The following TRPM3 variants were observed in gnomAD, a reference collection of about 807,000 sequenced individuals.
The protein encoded by TRPM3 is transient receptor potential cation channel subfamily M member 3.
TRPM3 carries 77 observed loss-of-function variants against 181.2 expected under a neutral mutation model. The observed-to-expected ratio is 0.42, with a 90% CI of 0.35 to 0.51. The LOEUF (loss-of-function observed/expected upper bound fraction) is 0.51. Ranked by LOEUF, TRPM3 falls within the 20% of genes least tolerant of loss-of-function variation. The pLI is 0.01. For missense variants in TRPM3, 1,759 were observed against 2,196.7 expected, an observed-to-expected ratio of 0.80 and a Z score of 3.98; for synonymous variants, 745 against 796.4, an observed-to-expected ratio of 0.94 and a Z score of 1.09.
chr9:70,577,374 A>T (rs1037517539), intron 22 of TRPM3, among the ~76,000 whole-genome samples: 1 of 152,212 alleles, frequency 6.6e-6, no homozygotes, highest in African/African-American at 2.4e-5. Flanking sequence ...CTGGATTCCA[A>T]TTCAGCCTCT....
intron 1 of TRPM3, among the ~76,000 whole-genome samples, chr9:71,190,508 A>G (rs1007317473): frequency 1.3e-5 from 2 of 151,914 alleles, no homozygotes; most frequent in African/African-American, 4.8e-5. Flanking sequence ...AAAATATCTG[A>G]AAACATAGAA....
intron 18 of TRPM3, 93 bp from the exon 19 acceptor site, chr9:70,610,842 TAGAACCTA>T: frequency 6.7e-7 from 1 of 1,491,566 alleles, no homozygotes; most frequent in Non-Finnish European, 9.1e-7. Context: ...AGGATGCTCA[TAGAACCTA>T]AGAACCCAAG....
intron 1 of TRPM3, among the ~76,000 whole-genome samples, chr9:71,355,739 C>T (rs7027389): frequency 0.14 from 20,945 of 152,044 alleles, 1,531 homozygotes; most frequent in East Asian, 0.19. Flanking sequence ...TCTAACAACC[C>T]GCCATGGATG....
intron 1 of TRPM3, among the ~76,000 whole-genome samples, chr9:71,399,855 G>A (rs2093301052): frequency 1.3e-5 from 2 of 151,992 alleles, no homozygotes; most frequent in Admixed American, 6.6e-5. Flanking sequence ...GTTTCCAGAA[G>A]TTGTTGATTT....
chr9:70,933,802 G>A (rs1206810181), intron 1 of TRPM3, among the ~76,000 whole-genome samples: 2 of 152,014 alleles, frequency 1.3e-5, no homozygotes, highest in Non-Finnish European at 2.9e-5. Flanking sequence ...GTTGAATCTA[G>A]TATAGAGAAA....
In TRPM3 at chr9:71,288,326, G is replaced by A. The variant is rs537542124; in HGVS notation, c.183+158327C>T. Reference sequence around the variant, plus strand: ...TCTGGATGTAGAGCTAAAACTGTTCGATTATTAACAAAATTATAATGTACT... The same window carrying A: ...TCTGGATGTAGAGCTAAAACTGTTCAATTATTAACAAAATTATAATGTACT... On this transcript the variant is annotated intron_variant, in intron 1 of 24. Transcript: ENST00000357533. Among the ~76,000 whole-genome samples, 11 of 151,892 alleles carry A rather than the reference G, an allele frequency of 7.2e-5. No individual in the cohort carries two copies. The South Asian group carries it at 1.9e-3, about 26-fold the overall frequency.
chr9:71,029,355 T>C (rs1216433579), intron 1 of TRPM3, among the ~76,000 whole-genome samples: 1 of 152,154 alleles, frequency 6.6e-6, no homozygotes, highest in African/African-American at 2.4e-5. Context: ...AAAATACTAA[T>C]AAAAATAAAC....
intron 1 of TRPM3, among the ~76,000 whole-genome samples, chr9:71,274,229 G>A (rs975650477): frequency 6.6e-6 from 1 of 152,120 alleles, no homozygotes; most frequent in Admixed American, 6.5e-5. Flanking sequence ...GTCTCCAAGT[G>A]GATTTCAGGA....
At chr9:71,139,868 TAC>T (rs2074993529) in intron 1 of TRPM3, among the ~76,000 whole-genome samples, 1 of 152,164 alleles carries the variant, frequency 6.6e-6, no homozygotes, top group Admixed American at 6.6e-5. Context: ...ATCCTTTATA[TAC>T]AGTCTGGTCA....
chr9:70,942,007 C>T (rs1385022408), intron 1 of TRPM3, among the ~76,000 whole-genome samples: 1 of 151,958 alleles, frequency 6.6e-6, no homozygotes, highest in Non-Finnish European at 1.5e-5. Flanking sequence ...GGGTTTTTTT[C>T]CCCTCTAAAA....
At chr9:70,693,474 C>CT (rs368467549) in intron 8 of TRPM3, among the ~76,000 whole-genome samples, 2,970 of 151,394 alleles carry the variant, frequency 0.02, 96 homozygotes, top group African/African-American at 0.063. Flanking sequence ...ATTTTTAGCG[C>CT]TTTTTTTTTG....
chr9:71,047,835 C>CAA (rs1243321562), intron 1 of TRPM3, among the ~76,000 whole-genome samples: 1 of 151,316 alleles, frequency 6.6e-6, no homozygotes, highest in African/African-American at 2.4e-5. Flanking sequence ...CACACACACA[C>CAA]ACACACACAC....
chr9:71,120,258 T>A (rs568518247), intron 1 of TRPM3, among the ~76,000 whole-genome samples: 1 of 152,352 alleles, frequency 6.6e-6, no homozygotes, highest in African/African-American at 2.4e-5. Context: ...TTGCCTTTTT[T>A]AACTTCGAAT....
At chr9:70,578,453 C>A (rs1304301880) in intron 22 of TRPM3, among the ~76,000 whole-genome samples, 1 of 152,198 alleles carries the variant, frequency 6.6e-6, no homozygotes, top group Non-Finnish European at 1.5e-5. Context: ...TTCTTCATAG[C>A]AATGATAGCT....
chr9:70,971,141 A>G (rs541477137), intron 1 of TRPM3, among the ~76,000 whole-genome samples: 55 of 152,256 alleles, frequency 3.6e-4, no homozygotes, highest in African/African-American at 1.3e-3. Context: ...TAAAATCTGA[A>G]AAACACTGAA....
intron 18 of TRPM3, among the ~76,000 whole-genome samples, chr9:70,612,393 C>T (rs2062128662): frequency 6.6e-6 from 1 of 152,134 alleles, no homozygotes. Flanking sequence ...TGAGAGAGCT[C>T]ATTATAGAAA....
rs111497253 is a variant in TRPM3, at chr9:70,687,923, T to C, written c.1273-6345A>G. On this transcript the variant is annotated intron_variant, in intron 8 of 25. Transcript: ENST00000677713. ...CACTGACAACAACTCCCTGCCTTCA[T>C]AGAACCTGCCTTCTAGAAAGGGAAG... 2.3e-3 allele frequency among the ~76,000 whole-genome samples: 346 copies of C among 152,332 alleles called. 1 individual carries two copies. Among genetic ancestry groups the C allele is most frequent in the African/African-American group, 8.1e-3 (336 of 41,580 alleles).
chr9:70,985,466 T>C (rs1373454896), intron 1 of TRPM3, among the ~76,000 whole-genome samples: 1 of 152,210 alleles, frequency 6.6e-6, no homozygotes, highest in Non-Finnish European at 1.5e-5. Context: ...GCCCTGGGTA[T>C]GTATATTTCC....
chr9:71,426,782 T>C (rs1588980407), intron 1 of TRPM3, among the ~76,000 whole-genome samples: 1 of 152,154 alleles, frequency 6.6e-6, no homozygotes. Context: ...TGATTTACAC[T>C]GTGCTAAAAG....
Sources: gnomAD v4.1 joint callset for allele counts (sites outside exome capture counted in the v4.1 genomes callset) on GRCh38, gnomAD v4.1.1 for gene constraint, MANE v1.5 for transcripts, NCBI Gene and HGNC (gene_info 2026-07-23, HGNC 2026-07-21) for gene names.